BSPRY: variants seen among roughly 807,000 people sequenced by gnomAD.
BSPRY encodes B-box and SPRY domain containing, also known as B box and SPRY domain-containing protein.
Under a neutral mutation model 38.0 loss-of-function variants are expected in BSPRY, and 33 were observed. That is an observed-to-expected ratio of 0.87 (90% CI 0.66 to 1.16). The LOEUF is 1.16. BSPRY is among the 50% of genes most tolerant of loss of function. BSPRY has a pLI of 0.00. For missense variants in BSPRY, 523 were observed against 533.2 expected, an observed-to-expected ratio of 0.98 and a Z score of 0.19; for synonymous variants, 224 against 228.5, an observed-to-expected ratio of 0.98 and a Z score of 0.18.
At chr9:113,367,855 G>A (rs1307097875) in intron 4 of BSPRY, among the ~76,000 whole-genome samples, 1 of 148,238 alleles carries the variant, frequency 6.7e-6, no homozygotes, top group African/African-American at 2.5e-5. Flanking sequence ...TTTTGAGACA[G>A]GGTCTCACTC....
chr9:113,353,640 T>C (rs1489225294), intron 1 of BSPRY, among the ~76,000 whole-genome samples: 1 of 151,860 alleles, frequency 6.6e-6, no homozygotes, highest in African/African-American at 2.4e-5. Context: ...GAGGTGGAAG[T>C]TGCAGTGAGC....
chr9:113,349,666 G>T lies in BSPRY; in HGVS notation c.87G>T (p.Leu29=). 8.0e-7 allele frequency: 1 copy of T among 1,243,066 alleles called. No individual in the cohort carries two copies. Among genetic ancestry groups the T allele is most frequent in the East Asian group, 3.4e-5 (1 of 29,762 alleles). The allele number at this position is 1,243,066 out of a possible 1,614,324, so 77.0% of individuals were successfully genotyped here. ...GPLCPEHGQA[L]SWFCGSERRP... ...TCTGCCCCGAACACGGCCAGGCTCT[G>T]AGCTGGTTCTGCGGCTCCGAGCGAC... The change falls in exon 1 of 6, where the codon CTG becomes CTT. Residue 29 remains leucine (L), a synonymous_variant. Transcript: ENST00000374183.
In BSPRY at chr9:113,369,962, G is replaced by A; in HGVS notation, c.1029G>A (p.Glu343=). The part of the protein sequence containing the change: ...EFRFSHNGQH[E]PLGLLRGPAQ... ...GTTTCTCACACAATGGGCAGCACGAGCCCCTGGGGCTGCTGCGGGGCCCAG... is the reference window on the plus strand; with the variant it reads ...GTTTCTCACACAATGGGCAGCACGAACCCCTGGGGCTGCTGCGGGGCCCAG... The change falls in exon 6 of 6, where the codon GAG becomes GAA. Residue 343 remains glutamate (E), a synonymous_variant. Transcript: ENST00000374183. 1 of 1,614,164 alleles carries A rather than the reference G, an allele frequency of 6.2e-7. No individual in the cohort carries two copies. Among genetic ancestry groups the A allele is most frequent in the Non-Finnish European group, 8.5e-7 (1 of 1,180,034 alleles).
Position 113,370,204 on chromosome 9 carries a change from G to C in BSPRY, c.*62G>C. Reference sequence around the variant, plus strand: ...CCCTTTCAGGCCATGTTTCTACTCAGTGTGCTTTTCCCAAATGATGTGTGT... The same window carrying C: ...CCCTTTCAGGCCATGTTTCTACTCACTGTGCTTTTCCCAAATGATGTGTGT... On this transcript the variant is annotated 3_prime_UTR_variant, in exon 6 of 6. Transcript: ENST00000374183. The surrounding 1 kb of genome is among the most constrained non-coding windows in gnomAD (Gnocchi z 4.8). 1 of 1,498,070 alleles carries C rather than the reference G, an allele frequency of 6.7e-7. No individual in the cohort carries two copies. The highest frequency in any genetic ancestry group is 8.9e-7 in the Non-Finnish European group (1 of 1,119,176). 92.8% of individuals were successfully genotyped at this position (1,498,070 alleles called of 1,614,324 possible). A position where few individuals can be genotyped will look rare whatever the true frequency, so the allele number is the denominator to read the frequency against.
intron 2 of BSPRY, among the ~76,000 whole-genome samples, chr9:113,356,581 A>C (rs1588062707): frequency 1.3e-5 from 2 of 152,276 alleles, no homozygotes; most frequent in East Asian, 3.9e-4. Flanking sequence ...CAGGGAGACC[A>C]GTTAGGAAGC....
Position 113,349,783 on chromosome 9 carries a change from G to A in BSPRY, c.201+3G>A. ...AGGAGCGCGCCGAGGAGCTGCGGGT[G>A]AGCGGGTGTGGGCGCCGGAAGGCGA... On this transcript the variant is annotated splice_donor_region_variant and intron_variant, in intron 1 of 5. Transcript: ENST00000374183. 8.1e-7 allele frequency: 1 copy of A among 1,232,078 alleles called. No individual in the cohort carries two copies. The highest frequency in any genetic ancestry group is 3.5e-5 in the South Asian group (1 of 28,760). The allele number at this position is 1,232,078 out of a possible 1,614,324, so 76.3% of individuals were successfully genotyped here.
At chr9:113,357,138 C>T (rs911132857) in intron 2 of BSPRY, among the ~76,000 whole-genome samples, 1 of 152,136 alleles carries the variant, frequency 6.6e-6, no homozygotes, top group Admixed American at 6.5e-5. Flanking sequence ...AAGGAACCAG[C>T]GAACGGGGAC....
intron 2 of BSPRY, among the ~76,000 whole-genome samples, chr9:113,354,554 T>C (rs1353276126): frequency 2.6e-5 from 4 of 152,172 alleles, no homozygotes; most frequent in Admixed American, 1.3e-4. Flanking sequence ...CAAATGACTT[T>C]CTTGGGTATC....
At chr9:113,362,686 A>C (rs1336292504) in intron 4 of BSPRY, among the ~76,000 whole-genome samples, 1 of 152,238 alleles carries the variant, frequency 6.6e-6, no homozygotes, top group Middle Eastern at 3.2e-3. Flanking sequence ...TACCACCTCC[A>C]TGTGCAGATG....
At chr9:113,351,977 T>G (rs1310566228) in intron 1 of BSPRY, among the ~76,000 whole-genome samples, 4 of 151,948 alleles carry the variant, frequency 2.6e-5, no homozygotes, top group Admixed American at 2.0e-4. Flanking sequence ...GCCTGGCTAA[T>G]TTTTGTATTT....
intron 1 of BSPRY, among the ~76,000 whole-genome samples, chr9:113,350,704 A>G (rs991201071): frequency 1.3e-5 from 2 of 152,170 alleles, no homozygotes; most frequent in African/African-American, 4.8e-5. Context: ...GTGACCTGTA[A>G]TAAACACATC....
intron 1 of BSPRY, 33 bp downstream of exon 1, chr9:113,349,813 T>C: frequency 1.6e-6 from 2 of 1,216,782 alleles, no homozygotes; most frequent in African/African-American, 3.2e-5. Flanking sequence ...AGGCGAGGGC[T>C]CCGGAGACCC....
Position 113,369,956 on chromosome 9 carries a change from G to A in BSPRY, c.1023G>A (p.Gln341=). 6.2e-7 allele frequency: 1 copy of A among 1,614,162 alleles called. No individual in the cohort carries two copies. Among genetic ancestry groups the A allele is most frequent in the South Asian group, 1.1e-5 (1 of 91,084 alleles). Residue 341 remains glutamine (Q), a synonymous_variant, in exon 6 of 6, where the codon CAG becomes CAA. Transcript: ENST00000374183. ...DQEFRFSHNG[Q]HEPLGLLRGP... is the part of the protein sequence containing the mutation. ...AGTTTCGTTTCTCACACAATGGGCAGCACGAGCCCCTGGGGCTGCTGCGGG... is the reference window on the plus strand; with the variant it reads ...AGTTTCGTTTCTCACACAATGGGCAACACGAGCCCCTGGGGCTGCTGCGGG...
rs777484954 is a variant in BSPRY at position 113,360,616 on chromosome 9, A to G, written c.410A>G (p.Glu137Gly). The change falls in exon 3 of 6, where the codon GAG (glutamate) becomes GGG (glycine). Residue 137 changes from glutamate to glycine, a missense_variant. Physicochemically the swap from Glu to Gly is moderately conservative, Grantham distance 98 (BLOSUM62 -2). Coordinates refer to ENST00000374183, the MANE Select transcript of BSPRY (RefSeq NM_017688.3). ...CTGGAACAGGTGCATGGCGAAGAGGAGCGGGCCCACCAGAGCATCCTGACA... is the reference window on the plus strand; with the variant it reads ...CTGGAACAGGTGCATGGCGAAGAGGGGCGGGCCCACCAGAGCATCCTGACA... ...RLLEQVHGEE[E>G]RAHQSILTQR... 1 of 1,608,988 alleles carries G rather than the reference A, an allele frequency of 6.2e-7. No individual in the cohort carries two copies. The highest frequency in any genetic ancestry group is 8.5e-7 in the Non-Finnish European group (1 of 1,178,780).
chr9:113,352,378 G>T (rs902100835), intron 1 of BSPRY, among the ~76,000 whole-genome samples: 1 of 152,170 alleles, frequency 6.6e-6, no homozygotes, highest in African/African-American at 2.4e-5. Flanking sequence ...AGTTATAAGT[G>T]CAAGGGAGAA....
Position 113,368,561 on chromosome 9 carries a change from C to A in BSPRY, c.682+178C>A, listed in dbSNP as rs1377871585. Among the ~76,000 whole-genome samples the A allele has an allele frequency of 2.0e-5, 3 of 152,172 alleles. No homozygotes were observed. The East Asian group carries it at 5.8e-4, about 29-fold the overall frequency. On this transcript the variant is annotated intron_variant, in intron 5 of 5. Transcript: ENST00000374183. Reference sequence around the variant, plus strand: ...TCCAGACAGGCCTGGGGCAGCTGGGCCAAGTCCTTCCCATTTCCGGACTAA... The same window carrying A: ...TCCAGACAGGCCTGGGGCAGCTGGGACAAGTCCTTCCCATTTCCGGACTAA...
intron 4 of BSPRY, among the ~76,000 whole-genome samples, chr9:113,364,742 T>TA (rs1435016591): frequency 3.9e-5 from 6 of 152,156 alleles, no homozygotes; most frequent in African/African-American, 1.4e-4. Context: ...TCTTTCAAGA[T>TA]ACTTCAGCAT....
At chr9:113,353,721 A>AAAT (rs1834009872) in intron 1 of BSPRY, among the ~76,000 whole-genome samples, 3 of 151,948 alleles carry the variant, frequency 2.0e-5, no homozygotes, top group South Asian at 4.1e-4. Context: ...AATAAATAAA[A>AAAT]AAAAATAAAA....
At chr9:113,356,359 G>A (rs10120644) in intron 2 of BSPRY, among the ~76,000 whole-genome samples, 11,759 of 152,122 alleles carry the variant, frequency 0.077, 1,221 homozygotes, top group African/African-American at 0.24. Flanking sequence ...AAAAAAATTA[G>A]CAGGGCATGG....
Sources: gnomAD v4.1 joint callset for allele counts (sites outside exome capture counted in the v4.1 genomes callset) on GRCh38, gnomAD v4.1.1 for gene constraint, Gnocchi (gnomAD v3.1) non-coding constraint, MANE v1.5 for transcripts, NCBI Gene and HGNC (gene_info 2026-07-23, HGNC 2026-07-21) for gene names.